Variants in MARCHF11 observed in about 807,000 individuals in gnomAD.
MARCHF11 encodes E3 ubiquitin-protein ligase MARCHF11.
A neutral mutation model predicts 37.3 loss-of-function variants in MARCHF11; 29 were observed. The observed-to-expected ratio is 0.78, with a 90% CI of 0.58 to 1.06. The LOEUF (loss-of-function observed/expected upper bound fraction) is 1.06, where lower values mean the gene tolerates loss of function less well. MARCHF11 is among the 50% of genes least tolerant of loss of function. The probability of loss-of-function intolerance (pLI) is 0.00; values close to 1 mark genes in which losing one functional copy is unlikely to be tolerated. For missense variants in MARCHF11, 482 were observed against 533.4 expected (o/e 0.90, Z 0.95); for synonymous variants, 233 against 228.0 (o/e 1.02, Z -0.20).
intron 2 of MARCHF11, among the ~76,000 whole-genome samples, chr5:16,096,986 G>C (rs144771513): frequency 6.6e-6 from 1 of 152,264 alleles, no homozygotes; most frequent in East Asian, 1.9e-4. Flanking sequence ...TTTCATCTTT[G>C]TTTTTACAAG....
intron 2 of MARCHF11, among the ~76,000 whole-genome samples, chr5:16,150,250 G>C (rs779213600): frequency 6.7e-6 from 1 of 149,562 alleles, no homozygotes; most frequent in African/African-American, 2.6e-5. Context: ...AGTTATGAGA[G>C]CTAATTCCTG....
intron 2 of MARCHF11, among the ~76,000 whole-genome samples, chr5:16,094,152 A>G (rs1329047949): frequency 1.3e-5 from 2 of 152,148 alleles, no homozygotes; most frequent in East Asian, 1.9e-4. Flanking sequence ...CCCACTATAT[A>G]CGGTGCTTTC....
At chr5:16,164,185 A>G (rs930617709) in intron 2 of MARCHF11, among the ~76,000 whole-genome samples, 2 of 152,108 alleles carry the variant, frequency 1.3e-5, no homozygotes, top group Non-Finnish European at 2.9e-5. Flanking sequence ...CTGCAATAAT[A>G]TAATGGTCAA....
chr5:16,153,224 A>T (rs1260270885), intron 2 of MARCHF11, among the ~76,000 whole-genome samples: 1 of 152,000 alleles, frequency 6.6e-6, no homozygotes. Flanking sequence ...ATGAAAAGCA[A>T]GAGATTTATC....
At chr5:16,176,272 A>G (rs1438577337) in intron 2 of MARCHF11, among the ~76,000 whole-genome samples, 1 of 152,142 alleles carries the variant, frequency 6.6e-6, no homozygotes, top group African/African-American at 2.4e-5. Context: ...AGCTCTTCTC[A>G]TGGAACTTTT....
At chr5:16,155,032 C>G (rs67752432) in intron 2 of MARCHF11, among the ~76,000 whole-genome samples, 35,350 of 151,654 alleles carry the variant, frequency 0.23, 4,284 homozygotes, top group South Asian at 0.32. Flanking sequence ...TAGGGTTTGA[C>G]ACATCATTTT....
chr5:16,099,907 T>A (rs13183084), intron 2 of MARCHF11, among the ~76,000 whole-genome samples: 45,716 of 151,976 alleles, frequency 0.3, 8,046 homozygotes, highest in East Asian at 0.57. Flanking sequence ...AAGCTCCCGA[T>A]GTGTACTCGG....
chr5:16,172,322 G>A (rs1219740238), intron 2 of MARCHF11, among the ~76,000 whole-genome samples: 1 of 152,146 alleles, frequency 6.6e-6, no homozygotes, highest in Non-Finnish European at 1.5e-5. Flanking sequence ...TGAGAAAATT[G>A]CCTCGTGATG....
rs375062767 is a variant in MARCHF11 at position 16,107,528 on chromosome 5, C to G, written c.694-16447G>C. 3.3e-5 allele frequency among the ~76,000 whole-genome samples: 5 copies of G among 152,092 alleles called. 1 individual carries two copies. Among genetic ancestry groups the G allele is most frequent in the East Asian group, 1.9e-4 (1 of 5,154 alleles). ...AAGTAATTAACAAATTATTAAAGAGCTACAACAATATTAAATGTGATACAG... is the reference window on the plus strand; with the variant it reads ...AAGTAATTAACAAATTATTAAAGAGGTACAACAATATTAAATGTGATACAG... On this transcript the variant is annotated intron_variant, in intron 2 of 3. Coordinates refer to ENST00000332432, the MANE Select transcript of MARCHF11 (RefSeq NM_001102562.3).
chr5:16,141,826 C>A (rs1410840911), intron 2 of MARCHF11, among the ~76,000 whole-genome samples: 1 of 152,200 alleles, frequency 6.6e-6, no homozygotes, highest in African/African-American at 2.4e-5. Context: ...TCCAAAACAT[C>A]TATTTTGTGC....
intron 2 of MARCHF11, among the ~76,000 whole-genome samples, chr5:16,132,790 A>C (rs1229719121): frequency 6.6e-6 from 1 of 152,104 alleles, no homozygotes; most frequent in East Asian, 1.9e-4. Flanking sequence ...TGGAGAGAAA[A>C]CTCTTCAAAT....
intron 2 of MARCHF11, among the ~76,000 whole-genome samples, chr5:16,108,951 G>A (rs577891050): frequency 2.0e-5 from 3 of 152,234 alleles, no homozygotes; most frequent in South Asian, 4.2e-4. Context: ...CCTTGAGATG[G>A]AAAAACCTCG....
chr5:16,170,549 T>A (rs1395698390), intron 2 of MARCHF11, among the ~76,000 whole-genome samples: 2 of 152,138 alleles, frequency 1.3e-5, no homozygotes, highest in African/African-American at 4.8e-5. Context: ...AATGTATGAG[T>A]AATGAATGCG....
At chr5:16,115,342 G>C (rs1364688250) in intron 2 of MARCHF11, among the ~76,000 whole-genome samples, 7 of 152,176 alleles carry the variant, frequency 4.6e-5, no homozygotes. Context: ...GTGGGTGCTG[G>C]CTTCCTTCTC....
intron 2 of MARCHF11, among the ~76,000 whole-genome samples, chr5:16,149,113 A>G (rs1737850237): frequency 6.6e-6 from 1 of 152,024 alleles, no homozygotes; most frequent in South Asian, 2.1e-4. Context: ...CTTTATTTAA[A>G]AATCACTGCT....
chr5:16,141,849 A>T (rs543790577), intron 2 of MARCHF11, among the ~76,000 whole-genome samples: 2 of 152,366 alleles, frequency 1.3e-5, no homozygotes, highest in East Asian at 3.9e-4. Context: ...AGCACTTTGC[A>T]GTATCCAAGT....
intron 2 of MARCHF11, among the ~76,000 whole-genome samples, chr5:16,108,174 A>G (rs1056255403): frequency 2.0e-5 from 3 of 152,198 alleles, no homozygotes; most frequent in Non-Finnish European, 4.4e-5. Context: ...TGGGAGTCAC[A>G]GGCACCCACC....
At chr5:16,081,083 A>G (rs536593997) in intron 3 of MARCHF11, among the ~76,000 whole-genome samples, 4 of 152,206 alleles carry the variant, frequency 2.6e-5, no homozygotes, top group Non-Finnish European at 4.4e-5. Flanking sequence ...CCCCATCCTA[A>G]TTCCTGCTCT....
chr5:16,131,804 G>A (rs1737519976), intron 2 of MARCHF11, among the ~76,000 whole-genome samples: 2 of 152,192 alleles, frequency 1.3e-5, no homozygotes, highest in South Asian at 2.1e-4. Context: ...TGGACCATAT[G>A]TCCTTTTGTT....
Sources: allele counts gnomAD v4.1 joint callset (sites outside exome capture counted in the v4.1 genomes callset), GRCh38; gene constraint gnomAD v4.1.1; transcripts MANE v1.5; gene names NCBI Gene and HGNC (gene_info 2026-07-23, HGNC 2026-07-21).